The following CAB39 variants were observed in gnomAD, a reference collection of about 807,000 sequenced individuals.
The protein encoded by CAB39 is calcium-binding protein 39.
A neutral mutation model predicts 40.0 loss-of-function variants in CAB39; 8 were observed. That is an observed-to-expected ratio of 0.20 (90% CI 0.12 to 0.36). The LOEUF (loss-of-function observed/expected upper bound fraction) is 0.36, where lower values mean the gene tolerates loss of function less well. CAB39 is among the 10% of genes least tolerant of loss of function. CAB39 has a pLI of 1.00. For missense variants in CAB39, 270 were observed against 401.1 expected (o/e 0.67, Z 2.79); for synonymous variants, 156 against 141.6 (o/e 1.10, Z -0.72).
At chr2:230,787,445 C>CA (rs1695813319) in intron 2 of CAB39, among the ~76,000 whole-genome samples, 1 of 152,064 alleles carries the variant, frequency 6.6e-6, no homozygotes, top group Non-Finnish European at 1.5e-5. Context: ...GAGTTACTGC[C>CA]ATAATCTTGA....
chr2:230,746,426 T>C (rs13426057), intron 1 of CAB39, among the ~76,000 whole-genome samples: 54,082 of 152,132 alleles, frequency 0.36, 13,425 homozygotes, highest in African/African-American at 0.71. Flanking sequence ...CAAAAAGCTG[T>C]GACGCTGCAT....
intron 2 of CAB39, among the ~76,000 whole-genome samples, chr2:230,782,467 CT>C (rs1000739275): frequency 1.3e-5 from 2 of 150,880 alleles, no homozygotes; most frequent in Non-Finnish European, 3.0e-5. Context: ...TTTACCTCAT[CT>C]TTTTTTTTCT....
At chr2:230,763,332 C>T (rs1487531181) in intron 2 of CAB39, among the ~76,000 whole-genome samples, 23 of 152,160 alleles carry the variant, frequency 1.5e-4, no homozygotes, top group Admixed American at 1.5e-3. Context: ...TGGCTCATGC[C>T]TGTAATTCTG....
chr2:230,790,279 C>G (rs933179803), intron 2 of CAB39, among the ~76,000 whole-genome samples: 5 of 152,042 alleles, frequency 3.3e-5, no homozygotes. Flanking sequence ...TCTTATCCTA[C>G]TCATTAGTCT....
rs1277482910 is a variant in CAB39 at position 230,713,041 on chromosome 2, G to GC, written c.-231dup. 1 of 150,826 alleles carries GC rather than the reference G, an allele frequency of 6.6e-6. No homozygotes were observed. Among genetic ancestry groups the GC allele is most frequent in the Non-Finnish European group, 1.5e-5 (1 of 67,596 alleles). 9.3% of individuals were successfully genotyped at this position (150,826 alleles called of 1,614,324 possible). ...CGGCAGCCGCGGGAGCCCCTGGGCA[G>GC]CCGTCCGCCCGCGCAGCCGCCGCCG... On this transcript the variant is annotated 5_prime_UTR_variant, in exon 1 of 9. Coordinates refer to ENST00000258418, the MANE Select transcript of CAB39 (RefSeq NM_016289.4).
intron 1 of CAB39, among the ~76,000 whole-genome samples, chr2:230,758,974 C>G (rs1362887673): frequency 1.3e-5 from 2 of 152,096 alleles, no homozygotes; most frequent in Non-Finnish European, 2.9e-5. Flanking sequence ...CTTCATAGTG[C>G]CTTCTTGGAA....
intron 2 of CAB39, among the ~76,000 whole-genome samples, chr2:230,782,813 C>CTTTCTTTTTTTTTTTTTTTTTTTTT (rs1286339069): frequency 4.9e-5 from 4 of 81,766 alleles, no homozygotes; most frequent in African/African-American, 2.5e-4. Flanking sequence ...TTCTTTCTTT[C>CTTTCTTTTTTTTTTTTTTTTTTTTT]TTTTTTTTTT....
chr2:230,766,406 T>TA (rs1174371647), intron 2 of CAB39, among the ~76,000 whole-genome samples: 1 of 152,204 alleles, frequency 6.6e-6, no homozygotes, highest in Admixed American at 6.5e-5. Flanking sequence ...CTACAGTCTT[T>TA]AAAACAACCA....
At chr2:230,725,886 A>G (rs1409405931) in intron 1 of CAB39, among the ~76,000 whole-genome samples, 10 of 152,218 alleles carry the variant, frequency 6.6e-5, no homozygotes, top group African/African-American at 2.4e-4. Flanking sequence ...AAAGGAAAAG[A>G]TGGAATCTAC....
At chr2:230,793,367 GA>G in intron 4 of CAB39, 36 bp downstream of exon 4, 1 of 1,012,154 alleles carries the variant, frequency 9.9e-7, no homozygotes. Context: ...ATTCTCAGTT[GA>G]ACATAAAGGA....
chr2:230,758,416 A>G (rs1174747697), intron 1 of CAB39, among the ~76,000 whole-genome samples: 4 of 152,192 alleles, frequency 2.6e-5, no homozygotes, highest in African/African-American at 9.6e-5. Flanking sequence ...ACAGAAGGTA[A>G]GATAGGCAAT....
chr2:230,798,250 C>G (rs890369529), intron 4 of CAB39, among the ~76,000 whole-genome samples: 12 of 152,150 alleles, frequency 7.9e-5, no homozygotes. Context: ...CAAGTACTAT[C>G]TTGAGTATTG....
intron 1 of CAB39, among the ~76,000 whole-genome samples, chr2:230,727,402 T>TGTG (rs1559589592): frequency 7.6e-5 from 8 of 105,448 alleles, no homozygotes; most frequent in African/African-American, 4.3e-4. Context: ...GTGTGTGTAT[T>TGTG]TTTTTTTCTT....
At chr2:230,751,640 T>A (rs1384560946) in intron 1 of CAB39, among the ~76,000 whole-genome samples, 1 of 152,168 alleles carries the variant, frequency 6.6e-6, no homozygotes, top group African/African-American at 2.4e-5. Context: ...AGCACTTTCT[T>A]GGGATGTTGC....
intron 1 of CAB39, among the ~76,000 whole-genome samples, chr2:230,729,029 T>C (rs183647969): frequency 7.0e-4 from 106 of 152,324 alleles, no homozygotes; most frequent in African/African-American, 2.4e-3. Context: ...AGTAAGTGTT[T>C]TAAGCACTTA....
At chr2:230,787,154 ATAATT>A (rs1036297014) in intron 2 of CAB39, among the ~76,000 whole-genome samples, 1 of 152,246 alleles carries the variant, frequency 6.6e-6, no homozygotes, top group Non-Finnish European at 1.5e-5. Context: ...AAGAAATAGT[ATAATT>A]TAATTTTATC....
At chr2:230,787,873 A>G (rs1695821526) in intron 2 of CAB39, among the ~76,000 whole-genome samples, 1 of 152,238 alleles carries the variant, frequency 6.6e-6, no homozygotes, top group Non-Finnish European at 1.5e-5. Context: ...CCTGATCTGC[A>G]GTACAAACCC....
intron 2 of CAB39, among the ~76,000 whole-genome samples, chr2:230,763,460 C>G (rs928258183): frequency 6.6e-6 from 1 of 151,996 alleles, no homozygotes; most frequent in Non-Finnish European, 1.5e-5. Context: ...GGCACGGTGG[C>G]ACACGCCTGT....
At chr2:230,770,137 A>G (rs138480632) in intron 2 of CAB39, among the ~76,000 whole-genome samples, 18 of 152,292 alleles carry the variant, frequency 1.2e-4, no homozygotes, top group Non-Finnish European at 2.4e-4. Context: ...CAAATTAAAT[A>G]CAAAGTAAGC....
Sources: gnomAD v4.1 joint callset for allele counts (sites outside exome capture counted in the v4.1 genomes callset) on GRCh38, gnomAD v4.1.1 for gene constraint, MANE v1.5 for transcripts, NCBI Gene and HGNC (gene_info 2026-07-23, HGNC 2026-07-21) for gene names.